Variants in TTC3 observed in about 807,000 individuals in gnomAD.
TTC3 encodes the protein E3 ubiquitin-protein ligase TTC3.
TTC3 carries 180 observed loss-of-function variants against 249.6 expected under a neutral mutation model. The ratio of observed to expected loss-of-function variants is 0.72; its 90% CI spans 0.64 to 0.82. The LOEUF is 0.82. TTC3 is among the 40% of genes least tolerant of loss of function. TTC3 has a pLI of 0.00. For missense variants in TTC3, 2,061 were observed against 2,398.4 expected (o/e 0.86, Z 2.94); for synonymous variants, 717 against 805.0 (o/e 0.89, Z 1.85).
At chr21:37,166,368 T>C (rs1229703397) in exon 33 of TTC3, 1 of 1,614,092 alleles carries the variant, frequency 6.2e-7, no homozygotes, top group Non-Finnish European at 8.5e-7. Flanking sequence ...GCTGCCTATT[T>C]TGAGGGTCAT....
At position 37,172,711 on chromosome 21, in the gene TTC3, A is replaced by G. The variant is rs544382706; in HGVS notation, c.4584A>G (p.Glu1528=). ...GCTTAGAAGAGACCAGGGACCTGGA[A>G]GAGAAGTTGAAAAGGCACTTAGAAG... The change falls in exon 35 of 46, where the codon GAA becomes GAG. Residue 1528 remains glutamate (E), a synonymous_variant. Transcript: ENST00000355666. 29 of 1,614,048 alleles carry G rather than the reference A, an allele frequency of 1.8e-5. 1 individual carries two copies. The Admixed American group carries it at 4.7e-4, about 26-fold the overall frequency.
chr21:37,130,890 CT>C (rs1224443339), intron 16 of TTC3, among the ~76,000 whole-genome samples: 7 of 152,064 alleles, frequency 4.6e-5, no homozygotes, highest in Non-Finnish European at 1.0e-4. Flanking sequence ...ACAATAAATA[CT>C]TTGTAAATAA....
At chr21:37,075,168 T>TC (rs2070667420) in intron 1 of TTC3, among the ~76,000 whole-genome samples, 1 of 149,052 alleles carries the variant, frequency 6.7e-6, no homozygotes, top group Admixed American at 6.7e-5. Flanking sequence ...GCAACTTGCT[T>TC]TTTTTTTTTT....
intron 32 of TTC3, among the ~76,000 whole-genome samples, chr21:37,165,240 G>T (rs1261137347): frequency 6.6e-6 from 1 of 151,968 alleles, no homozygotes; most frequent in African/African-American, 2.4e-5. Context: ...TAAATTTTTT[G>T]TTGTTGTTTT....
chr21:37,119,707 C>T (rs572980287), intron 11 of TTC3, among the ~76,000 whole-genome samples: 1 of 152,260 alleles, frequency 6.6e-6, no homozygotes, highest in African/African-American at 2.4e-5. Context: ...GTTTTTCATA[C>T]TCTCTTTTGT....
chr21:37,130,373 G>A (rs2077372903), intron 16 of TTC3, among the ~76,000 whole-genome samples: 1 of 151,962 alleles, frequency 6.6e-6, no homozygotes, highest in South Asian at 2.1e-4. Flanking sequence ...ATGCAGAGTT[G>A]TAATTTTAAC....
intron 45 of TTC3, 90 bp from the exon 46 acceptor site, chr21:37,201,350 C>A: frequency 6.4e-7 from 1 of 1,550,736 alleles, no homozygotes; most frequent in Non-Finnish European, 8.9e-7. Context: ...GGCAAGTGAG[C>A]CACGCCTGCC....
chr21:37,103,100 G>A (rs2074677910), intron 10 of TTC3, among the ~76,000 whole-genome samples: 1 of 152,180 alleles, frequency 6.6e-6, no homozygotes, highest in Non-Finnish European at 1.5e-5. Context: ...ATCATCTGGG[G>A]ATGTTAGCCA....
intron 26 of TTC3, among the ~76,000 whole-genome samples, chr21:37,152,266 T>C (rs916892935): frequency 2.6e-5 from 4 of 152,224 alleles, no homozygotes; most frequent in African/African-American, 9.6e-5. Flanking sequence ...GATTGTATTT[T>C]AACTTTCTGT....
At chr21:37,200,730 G>A (rs529113099) in intron 45 of TTC3, among the ~76,000 whole-genome samples, 1 of 152,298 alleles carries the variant, frequency 6.6e-6, no homozygotes, top group East Asian at 1.9e-4. Flanking sequence ...AGTCCCTTCT[G>A]CCTGACCCAG....
intron 36 of TTC3, among the ~76,000 whole-genome samples, chr21:37,185,133 C>G (rs996411134): frequency 1.3e-5 from 2 of 152,168 alleles, no homozygotes; most frequent in African/African-American, 4.8e-5. Context: ...CTTTAGTAAA[C>G]AGAGATGACT....
chr21:37,119,390 G>A (rs886840307), intron 11 of TTC3, among the ~76,000 whole-genome samples: 12 of 152,062 alleles, frequency 7.9e-5, no homozygotes, highest in Non-Finnish European at 1.3e-4. Context: ...TTTCCGTTCC[G>A]GCTCTTGTTC....
chr21:37,118,628 T>A (rs916634096), intron 11 of TTC3, among the ~76,000 whole-genome samples: 1 of 152,206 alleles, frequency 6.6e-6, no homozygotes, highest in African/African-American at 2.4e-5. Context: ...AATTGGCTCA[T>A]GTAACTGAGA....
chr21:37,098,028 C>T, intron 10 of TTC3: 1 of 683,752 alleles, frequency 1.5e-6, no homozygotes, highest in South Asian at 1.6e-5. Context: ...CGTTATGCAG[C>T]TTTTAGATGG....
At chr21:37,129,149 G>A in intron 16 of TTC3, 86 bp downstream of exon 16, 1 of 866,766 alleles carries the variant, frequency 1.2e-6, no homozygotes, top group South Asian at 2.1e-5. Flanking sequence ...TCGAGTATTA[G>A]CTACTTTAAT....
chr21:37,080,732 A>C (rs966801041), intron 1 of TTC3, among the ~76,000 whole-genome samples: 1 of 152,004 alleles, frequency 6.6e-6, no homozygotes, highest in African/African-American at 2.4e-5. Flanking sequence ...TCTTTGTCTT[A>C]GAGGCTTTTT....
intron 5 of TTC3, among the ~76,000 whole-genome samples, chr21:37,089,297 T>C (rs1312256314): frequency 6.6e-6 from 1 of 152,218 alleles, no homozygotes; most frequent in African/African-American, 2.4e-5. Context: ...TCCTTCATTA[T>C]GCTATTGAGA....
chr21:37,192,491 T>TTGTGTGTGTGTGTGTGTGTGTGTGTG lies in TTC3; in HGVS notation c.5217+286_5217+311dup, dbSNP rs60538841. 4.5e-4 allele frequency among the ~76,000 whole-genome samples: 63 copies of TTGTGTGTGTGTGTGTGTGTGTGTGTG among 140,588 alleles called. 1 individual carries two copies. The highest frequency in any genetic ancestry group is 3.3e-3 in the Middle Eastern group (1 of 306). The allele number at this position is 140,588 out of a possible 152,430, so 92.2% of individuals were successfully genotyped here. A position where few individuals can be genotyped will look rare whatever the true frequency, so the allele number is the denominator to read the frequency against. ...ATGTTCCTTGGCCTGTCTTCTATCTTTGTGTGTGTGTGTGTGTGTGTGTGT... is the reference window on the plus strand; with the variant it reads ...ATGTTCCTTGGCCTGTCTTCTATCTTTGTGTGTGTGTGTGTGTGTGTGTGTGTGTGTGTGTGTGTGTGTGTGTGTGT... On this transcript the variant is annotated intron_variant, in intron 41 of 45. Coordinates refer to ENST00000355666, the Ensembl canonical transcript of TTC3.
chr21:37,101,778 G>T (rs1227099023), intron 10 of TTC3, among the ~76,000 whole-genome samples: 4 of 150,322 alleles, frequency 2.7e-5, no homozygotes, highest in African/African-American at 7.3e-5. Flanking sequence ...TGTACATCTT[G>T]CTTTTTTTTT....
Sources: allele counts gnomAD v4.1 joint callset (sites outside exome capture counted in the v4.1 genomes callset), GRCh38; gene constraint gnomAD v4.1.1; transcripts MANE v1.5; gene names NCBI Gene and HGNC (gene_info 2026-07-23, HGNC 2026-07-21).